The following SRBD1 variants were observed in gnomAD, a reference collection of about 807,000 sequenced individuals.
The protein encoded by SRBD1 is S1 RNA binding domain 1.
SRBD1 carries 88 observed loss-of-function variants against 115.3 expected under a neutral mutation model. That is an observed-to-expected ratio of 0.76 (90% CI 0.64 to 0.91). The LOEUF is 0.91. Ranked by LOEUF, SRBD1 falls within the 40% of genes least tolerant of loss-of-function variation. SRBD1 has a pLI of 0.00. For missense variants in SRBD1, 1,385 were observed against 1,177.4 expected, an observed-to-expected ratio of 1.18 and a Z score of -2.58; for synonymous variants, 509 against 407.7, an observed-to-expected ratio of 1.25 and a Z score of -2.99.
intron 9 of SRBD1, among the ~76,000 whole-genome samples, chr2:45,572,059 A>G (rs536305833): frequency 6.6e-6 from 1 of 152,274 alleles, no homozygotes; most frequent in African/African-American, 2.4e-5. Flanking sequence ...ATAAACTCAG[A>G]AAGACCCATG....
At chr2:45,568,886 T>C (rs1195954773) in intron 9 of SRBD1, among the ~76,000 whole-genome samples, 1 of 152,274 alleles carries the variant, frequency 6.6e-6, no homozygotes, top group Non-Finnish European at 1.5e-5. Flanking sequence ...CAGTAGACTA[T>C]AATAACTACG....
intron 16 of SRBD1, among the ~76,000 whole-genome samples, chr2:45,457,368 G>A (rs551447835): frequency 3.2e-4 from 49 of 151,998 alleles, no homozygotes; most frequent in African/African-American, 1.1e-3. Flanking sequence ...GATCATCTGT[G>A]ATTCAACTGA....
chr2:45,404,296 A>G (rs1272561379), intron 19 of SRBD1, among the ~76,000 whole-genome samples: 1 of 152,158 alleles, frequency 6.6e-6, no homozygotes, highest in Non-Finnish European at 1.5e-5. Context: ...AGGCAGATAC[A>G]GTTTGGAAGA....
chr2:45,548,277 A>ATC (rs1672183878), intron 12 of SRBD1, among the ~76,000 whole-genome samples: 1 of 152,006 alleles, frequency 6.6e-6, no homozygotes, highest in Admixed American at 6.5e-5. Flanking sequence ...AACAGAAAAG[A>ATC]TCAACAAAGT....
intron 16 of SRBD1, among the ~76,000 whole-genome samples, chr2:45,442,221 A>G (rs890609137): frequency 6.6e-6 from 1 of 152,208 alleles, no homozygotes; most frequent in Non-Finnish European, 1.5e-5. Context: ...CATTTACCAC[A>G]GACAGATTCT....
At chr2:45,485,136 G>T (rs1399023166) in intron 15 of SRBD1, among the ~76,000 whole-genome samples, 1 of 152,082 alleles carries the variant, frequency 6.6e-6, no homozygotes, top group Non-Finnish European at 1.5e-5. Context: ...ATTTGGTCTC[G>T]TTGCTTTTTA....
At chr2:45,575,910 G>A (rs1673160891) in intron 7 of SRBD1, among the ~76,000 whole-genome samples, 1 of 152,114 alleles carries the variant, frequency 6.6e-6, no homozygotes, top group African/African-American at 2.4e-5. Context: ...CACTGTGTTG[G>A]CCAGCCTGGT....
intron 14 of SRBD1, among the ~76,000 whole-genome samples, chr2:45,511,128 C>T (rs958050187): frequency 6.6e-6 from 1 of 152,216 alleles, no homozygotes; most frequent in Non-Finnish European, 1.5e-5. Flanking sequence ...GAATTGCAGG[C>T]TGTACAAGGT....
intron 14 of SRBD1, among the ~76,000 whole-genome samples, chr2:45,517,398 A>G (rs1320859049): frequency 6.6e-6 from 1 of 152,246 alleles, no homozygotes; most frequent in Non-Finnish European, 1.5e-5. Context: ...TGTGGTAACA[A>G]AGAAGACTAA....
chr2:45,391,446 T>C (rs767377264), intron 20 of SRBD1, among the ~76,000 whole-genome samples: 4 of 152,128 alleles, frequency 2.6e-5, no homozygotes, highest in Admixed American at 6.5e-5. Context: ...AGAAAAGAGA[T>C]GTAACATAAA....
chr2:45,542,213 C>T (rs951533287), intron 14 of SRBD1, among the ~76,000 whole-genome samples: 3 of 152,268 alleles, frequency 2.0e-5, no homozygotes, highest in Non-Finnish European at 2.9e-5. Context: ...GGTGTCAGCA[C>T]TGCCTCGAGT....
At chr2:45,414,740 T>C (rs1252218422) in intron 18 of SRBD1, among the ~76,000 whole-genome samples, 9 of 126,712 alleles carry the variant, frequency 7.1e-5, no homozygotes, top group Non-Finnish European at 1.5e-4. Context: ...AGTGTGTATA[T>C]AGTATGTACA....
At chr2:45,469,536 T>C (rs1669586506) in intron 16 of SRBD1, among the ~76,000 whole-genome samples, 1 of 152,208 alleles carries the variant, frequency 6.6e-6, no homozygotes, top group Non-Finnish European at 1.5e-5. Context: ...AGTAATGGTG[T>C]TACACTAGGT....
chr2:45,506,966 T>A (rs1022310259), intron 14 of SRBD1, among the ~76,000 whole-genome samples: 1 of 152,206 alleles, frequency 6.6e-6, no homozygotes, highest in African/African-American at 2.4e-5. Flanking sequence ...CCAGACTTCC[T>A]AGCATCTCAT....
intron 16 of SRBD1, among the ~76,000 whole-genome samples, chr2:45,427,999 C>T (rs1668209739): frequency 6.6e-6 from 1 of 152,162 alleles, no homozygotes; most frequent in Non-Finnish European, 1.5e-5. Context: ...ACCAAGCAGA[C>T]CTAATAGACA....
In SRBD1 at chr2:45,573,221, T is replaced by A. The variant is rs376533311; in HGVS notation, c.1291A>T (p.Ile431Phe). The change falls in exon 9 of 21, where the codon ATT becomes TTT. Residue 431 changes from isoleucine to phenylalanine, a missense_variant. Coordinates refer to ENST00000263736, the MANE Select transcript of SRBD1 (RefSeq NM_018079.5). The part of the protein sequence containing the change: ...YQHFSCNIRN[I>F]HHHQILAINR... ...TCTTTATTTACCTGATGATGGTGAATGTTTCTTATGTTGCAGGAAAAATGC... is the reference window on the plus strand; with the variant it reads ...TCTTTATTTACCTGATGATGGTGAAAGTTTCTTATGTTGCAGGAAAAATGC... 1 of 1,608,418 alleles carries A rather than the reference T, an allele frequency of 6.2e-7. No individual in the cohort carries two copies. The highest frequency in any genetic ancestry group is 1.3e-5 in the African/African-American group (1 of 74,602).
At chr2:45,536,711 A>G (rs1183734930) in intron 14 of SRBD1, among the ~76,000 whole-genome samples, 4 of 152,156 alleles carry the variant, frequency 2.6e-5, no homozygotes, top group Non-Finnish European at 4.4e-5. Flanking sequence ...TGTCCAGCTT[A>G]CATATCCCAA....
Position 45,398,405 on chromosome 2 carries a change from A to T in SRBD1, c.2514-5276T>A, listed in dbSNP as rs561199802. ...TGACAAGAGAAAGATTTCCTGTCAT[A>T]GATGAAGGAATGCAGTTTGTCTTCC... On this transcript the variant is annotated intron_variant, in intron 19 of 20. Transcript: ENST00000263736. 2.3e-4 allele frequency among the ~76,000 whole-genome samples: 35 copies of T among 152,296 alleles called. No individual in the cohort carries two copies. The South Asian group carries it at 3.3e-3, about 14-fold the overall frequency.
chr2:45,483,450 T>C (rs1425759905), intron 15 of SRBD1, among the ~76,000 whole-genome samples: 2 of 150,416 alleles, frequency 1.3e-5, no homozygotes, highest in East Asian at 3.9e-4. Context: ...CCACATGCAG[T>C]AGCCTTGAAA....
Sources: allele counts gnomAD v4.1 joint callset (sites outside exome capture counted in the v4.1 genomes callset), GRCh38; gene constraint gnomAD v4.1.1; transcripts MANE v1.5; gene names NCBI Gene and HGNC (gene_info 2026-07-23, HGNC 2026-07-21).